IQCE: variants seen among roughly 807,000 people sequenced by gnomAD.
The protein encoded by IQCE is IQ motif containing E.
A neutral mutation model predicts 96.0 loss-of-function variants in IQCE; 115 were observed. That is an observed-to-expected ratio of 1.20 (90% CI 1.03 to 1.40). The LOEUF is 1.40. IQCE is among the 40% of genes most tolerant of loss of function. IQCE has a pLI of 0.00. For missense variants in IQCE, 1,041 were observed against 909.1 expected (o/e 1.15, Z -1.87); for synonymous variants, 412 against 371.2 (o/e 1.11, Z -1.26).
At chr7:2,573,870 CA>C (rs1781935614) in intron 6 of IQCE, among the ~76,000 whole-genome samples, 1 of 152,194 alleles carries the variant, frequency 6.6e-6, no homozygotes, top group Non-Finnish European at 1.5e-5. Context: ...AGACATCTCA[CA>C]TGCCCTGTCT....
chr7:2,604,752 G>T (rs576292164), intron 18 of IQCE, 129 bp from the exon 19 acceptor site: 657 of 649,002 alleles, frequency 1.0e-3, no homozygotes, highest in Non-Finnish European at 1.6e-3. Context: ...AGAGAACGTG[G>T]CTGCACAGCA....
At chr7:2,573,536 C>T (rs1336663389) in intron 6 of IQCE, 48 bp downstream of exon 6, 3 of 1,027,534 alleles carry the variant, frequency 2.9e-6, no homozygotes, top group East Asian at 2.4e-5. Context: ...TGAAAGCTTC[C>T]TATAACAATG....
chr7:2,599,416 G>A (rs530627148), intron 17 of IQCE, among the ~76,000 whole-genome samples: 32 of 152,110 alleles, frequency 2.1e-4, no homozygotes, highest in Middle Eastern at 3.2e-3. Context: ...GGCTGGTCTC[G>A]AACTCCTGGC....
chr7:2,588,072 G>T (rs1214507851), intron 13 of IQCE, among the ~76,000 whole-genome samples, 195 bp downstream of exon 13: 1 of 152,362 alleles, frequency 6.6e-6, no homozygotes, highest in East Asian at 1.9e-4. Flanking sequence ...TCGCTGGGCT[G>T]TGAGCTTCTG....
chr7:2,605,568 C>T lies in IQCE; in HGVS notation c.1744-308C>T, dbSNP rs185880426. The stretch of plus-strand genomic sequence containing the variant: ...CCGGAAGGCGGAGCTTACAGTGAGT[C>T]GAGATCACGCCACTGCACTCCAGCC... On this transcript the variant is annotated intron_variant, in intron 19 of 21. Transcript: ENST00000402050. Among the ~76,000 whole-genome samples, 1,477 of 151,926 alleles carry T rather than the reference C, an allele frequency of 9.7e-3. 12 individuals are homozygous for T. The highest frequency in any genetic ancestry group is 0.015 in the Non-Finnish European group (1,045 of 67,962).
At chr7:2,584,928 T>C (rs1458492490) in intron 11 of IQCE, among the ~76,000 whole-genome samples, 2 of 152,202 alleles carry the variant, frequency 1.3e-5, no homozygotes, top group Non-Finnish European at 2.9e-5. Flanking sequence ...GTTTCTGTAG[T>C]GTAGTGGTAA....
At chr7:2,583,748 G>A (rs377125135) in intron 10 of IQCE, 39 bp downstream of exon 10, 12 of 910,768 alleles carry the variant, frequency 1.3e-5, no homozygotes, top group Admixed American at 2.3e-5. Context: ...GGCGGGCACC[G>A]AGCTGGGCGG....
rs1261036187 is a variant in IQCE at position 2,605,831 on chromosome 7, G to A, written c.1744-45G>A. 6 of 1,490,180 alleles carry A rather than the reference G, an allele frequency of 4.0e-6. No homozygotes were observed. The South Asian group carries it at 7.8e-5, about 19-fold the overall frequency. The allele number at this position is 1,490,180 out of a possible 1,614,324, so 92.3% of individuals were successfully genotyped here. The stretch of plus-strand genomic sequence containing the variant: ...GGGGGTTGAGTGCTGGGAGCCAGCA[G>A]GGGGCTGCCAAACAGTCGTCTTCCC... On this transcript the variant is annotated intron_variant, in intron 19 of 21. Transcript: ENST00000402050.
intron 18 of IQCE, among the ~76,000 whole-genome samples, chr7:2,603,492 C>G (rs568231860): frequency 6.6e-6 from 1 of 152,274 alleles, no homozygotes; most frequent in African/African-American, 2.4e-5. Flanking sequence ...TGGCGCCCCC[C>G]ATGCCTCAGG....
At chr7:2,582,017 A>G (rs1257472405) in intron 8 of IQCE, 1 of 465,156 alleles carries the variant, frequency 2.1e-6, no homozygotes, top group South Asian at 1.6e-5. Context: ...CGGCAAAAGA[A>G]TGTTCTTTAA....
At chr7:2,577,291 G>A (rs1203182287) in intron 6 of IQCE, among the ~76,000 whole-genome samples, 1 of 151,766 alleles carries the variant, frequency 6.6e-6, no homozygotes, top group Non-Finnish European at 1.5e-5. Flanking sequence ...GCAGTGGCGT[G>A]TGCTTGGCTG....
chr7:2,583,229 G>T (rs1782815648), intron 9 of IQCE, among the ~76,000 whole-genome samples: 1 of 152,218 alleles, frequency 6.6e-6, no homozygotes, highest in African/African-American at 2.4e-5. Context: ...CCGAGGGGAT[G>T]GCCTGACAGT....
intron 1 of IQCE, among the ~76,000 whole-genome samples, chr7:2,562,794 A>G (rs977531736): frequency 8.8e-5 from 13 of 147,032 alleles, no homozygotes; most frequent in Middle Eastern, 3.6e-3. Context: ...TTAGTTTTCT[A>G]TCTCCTGGTT....
chr7:2,605,549 G>A (rs1784744175), intron 19 of IQCE, among the ~76,000 whole-genome samples: 1 of 152,122 alleles, frequency 6.6e-6, no homozygotes. Flanking sequence ...GAACCCGGAA[G>A]GCGGAGCTTA....
chr7:2,600,820 A>G (rs1784383347), intron 17 of IQCE, among the ~76,000 whole-genome samples: 1 of 152,176 alleles, frequency 6.6e-6, no homozygotes, highest in Non-Finnish European at 1.5e-5. Context: ...TTAACTTGGC[A>G]TCAACATCTG....
At chr7:2,573,173 T>C (rs62442624) in intron 5 of IQCE, among the ~76,000 whole-genome samples, 21,627 of 152,234 alleles carry the variant, frequency 0.14, 1,745 homozygotes, top group Non-Finnish European at 0.16. Context: ...TCATGAAACT[T>C]GGTCTTCACA....
intron 9 of IQCE, among the ~76,000 whole-genome samples, chr7:2,583,301 T>TCTAA (rs1211702792): frequency 6.6e-6 from 1 of 152,198 alleles, no homozygotes; most frequent in East Asian, 1.9e-4. Context: ...GCTTGTCCTT[T>TCTAA]CTAAGCTCCA....
At chr7:2,602,391 C>T (rs1784494508) in intron 18 of IQCE, among the ~76,000 whole-genome samples, 1 of 152,192 alleles carries the variant, frequency 6.6e-6, no homozygotes, top group Admixed American at 6.5e-5. Context: ...TGCTGGAGTC[C>T]TGGTGGCCTC....
At chr7:2,589,465 G>A (rs368738044) in intron 13 of IQCE, among the ~76,000 whole-genome samples, 1 of 152,352 alleles carries the variant, frequency 6.6e-6, no homozygotes, top group East Asian at 1.9e-4. Flanking sequence ...TGGGCAGCAC[G>A]TCCAAGATCC....
Sources: gnomAD v4.1 joint callset for allele counts (sites outside exome capture counted in the v4.1 genomes callset) on GRCh38, gnomAD v4.1.1 for gene constraint, MANE v1.5 for transcripts, NCBI Gene and HGNC (gene_info 2026-07-23, HGNC 2026-07-21) for gene names.